The following VPS35 variants were observed in gnomAD, a reference collection of about 807,000 sequenced individuals.
The protein encoded by VPS35 is vacuolar protein sorting-associated protein 35.
In VPS35, 21 loss-of-function variants were observed where a neutral mutation model predicts 98.1. The ratio of observed to expected loss-of-function variants is 0.21; its 90% CI spans 0.15 to 0.31. VPS35 has a LOEUF of 0.31. Among genes scored for constraint, VPS35 ranks in the 10% least tolerant of loss-of-function variants. The pLI is 1.00. For synonymous variants in VPS35, 268 were observed against 318.2 expected, an observed-to-expected ratio of 0.84 and a Z score of 1.68; for missense variants, 554 against 950.8, an observed-to-expected ratio of 0.58 and a Z score of 5.49.
intron 10 of VPS35, 125 bp from the exon 11 acceptor site, chr16:46,672,597 T>C (rs1966085895): frequency 2.6e-6 from 2 of 765,176 alleles, no homozygotes; most frequent in Non-Finnish European, 4.4e-6. Context: ...AAGTGAATCA[T>C]ACCACCACAG....
rs938232930 is a variant in VPS35 at position 46,656,204 on chromosome 16, A to G, written c.*4268T>C. The G allele has an allele frequency of 2.2e-4, 34 of 152,252 alleles. No individual in the cohort carries two copies. The highest frequency in any genetic ancestry group is 7.9e-4 in the African/African-American group (33 of 41,548). 9.4% of individuals were successfully genotyped at this position (152,252 alleles called of 1,614,324 possible). On this transcript the variant is annotated 3_prime_UTR_variant, in exon 17 of 17. Coordinates refer to ENST00000299138, the MANE Select transcript of VPS35 (RefSeq NM_018206.6). The stretch of plus-strand genomic sequence containing the variant: ...GAAGATACGGCTCCTTTCCAATGCA[A>G]CGTCTCTGGGTAGGTGGAGGAATGG...
intron 4 of VPS35, among the ~76,000 whole-genome samples, chr16:46,681,075 C>T (rs1013336555): frequency 6.8e-6 from 1 of 147,422 alleles, no homozygotes; most frequent in African/African-American, 2.5e-5. Context: ...TGTATATATA[C>T]AACATAGATA....
Position 46,678,510 on chromosome 16 carries a change from T to C in VPS35, c.720+433A>G, listed in dbSNP as rs191833571. ...CCATTCCCTGTTTTATTCCCCTCCA[T>C]TGATTTGTGTGTCTATCCTTTTCAC... On this transcript the variant is annotated intron_variant, in intron 6 of 16. Coordinates refer to ENST00000299138, the MANE Select transcript of VPS35 (RefSeq NM_018206.6). Among the ~76,000 whole-genome samples the C allele has an allele frequency of 2.1e-3, 323 of 152,284 alleles. 1 individual carries two copies. The highest frequency in any genetic ancestry group is 3.6e-3 in the Non-Finnish European group (248 of 68,010).
At chr16:46,664,061 T>C (rs1965953599) in intron 13 of VPS35, among the ~76,000 whole-genome samples, 1 of 151,912 alleles carries the variant, frequency 6.6e-6, no homozygotes, top group African/African-American at 2.4e-5. Flanking sequence ...TGGAGAAAAT[T>C]AGAAAAATAC....
At chr16:46,671,587 C>T in intron 12 of VPS35, 118 bp downstream of exon 12, 1 of 1,408,414 alleles carries the variant, frequency 7.1e-7, no homozygotes, top group Non-Finnish European at 9.8e-7. Flanking sequence ...ATCTTTAATT[C>T]AGTTGCAATT....
At chr16:46,660,937 G>A (rs1965905232) in intron 16 of VPS35, 1 of 430,298 alleles carries the variant, frequency 2.3e-6, no homozygotes, top group Non-Finnish European at 4.4e-6. Flanking sequence ...CTTGAAGTCA[G>A]GAGTTTTGAG....
intron 1 of VPS35, chr16:46,688,762 C>G: frequency 8.1e-7 from 1 of 1,241,356 alleles, no homozygotes; most frequent in Non-Finnish European, 1.0e-6. Context: ...GGCCTCCACG[C>G]GCCCCGGGGG....
At chr16:46,667,059 G>T (rs1966000455) in intron 13 of VPS35, among the ~76,000 whole-genome samples, 1 of 152,126 alleles carries the variant, frequency 6.6e-6, no homozygotes, top group Admixed American at 6.6e-5. Context: ...TTTCCATAAT[G>T]GCTATACTAA....
At chr16:46,667,398 A>G (rs1966005737) in intron 13 of VPS35, among the ~76,000 whole-genome samples, 1 of 152,054 alleles carries the variant, frequency 6.6e-6, no homozygotes, top group African/African-American at 2.4e-5. Flanking sequence ...ATTCTCCCCC[A>G]TTCCATTGCC....
chr16:46,669,441 C>T (rs1465250826), intron 12 of VPS35, among the ~76,000 whole-genome samples: 1 of 152,080 alleles, frequency 6.6e-6, no homozygotes, highest in Non-Finnish European at 1.5e-5. Context: ...CGAAGGTGGA[C>T]AGATCAGTTG....
rs1596706277 is a variant in VPS35 at position 46,657,166 on chromosome 16, A to T, written c.*3306T>A. The T allele has an allele frequency of 6.6e-6, 1 of 152,364 alleles. No individual in the cohort carries two copies. The allele number at this position is 152,364 out of a possible 1,614,324, so 9.4% of individuals were successfully genotyped here. The stretch of plus-strand genomic sequence containing the variant: ...CTAAGGCAAGTCACTACTCTTGGGA[A>T]TTCAAGTGTATGGTAAATGTGTAGA... On this transcript the variant is annotated 3_prime_UTR_variant, in exon 17 of 17. Coordinates refer to ENST00000299138, the MANE Select transcript of VPS35 (RefSeq NM_018206.6).
At chr16:46,663,339 T>C (rs1965940890) in intron 13 of VPS35, among the ~76,000 whole-genome samples, 177 bp from the exon 14 acceptor site, 1 of 152,246 alleles carries the variant, frequency 6.6e-6, no homozygotes, top group African/African-American at 2.4e-5. Context: ...TCTCAAAACA[T>C]CATTTGAGGT....
At chr16:46,680,205 T>C (rs2143008629) in intron 5 of VPS35, among the ~76,000 whole-genome samples, 1 of 152,316 alleles carries the variant, frequency 6.6e-6, no homozygotes, top group South Asian at 2.1e-4. Flanking sequence ...TTATTTTTCC[T>C]TCTCTGGAGT....
At chr16:46,672,155 T>A in intron 11 of VPS35, 110 bp downstream of exon 11, 1 of 946,820 alleles carries the variant, frequency 1.1e-6, no homozygotes, top group Admixed American at 2.5e-5. Context: ...AAGTTACTTG[T>A]AAATTTTATT....
Position 46,682,140 on chromosome 16 carries a change from A to G in VPS35, c.138T>C (p.Ala46=). 6.2e-7 allele frequency: 1 copy of G among 1,613,646 alleles called. No homozygotes were observed. Among genetic ancestry groups the G allele is most frequent in the Non-Finnish European group, 8.5e-7 (1 of 1,179,678 alleles). The change falls in exon 3 of 17, where the codon GCT becomes GCC. Residue 46 remains alanine, a synonymous_variant. Coordinates refer to ENST00000299138, the MANE Select transcript of VPS35 (RefSeq NM_018206.6). The part of the protein sequence containing the change: ...KNKLMDALKH[A]SNMLGELRTS... ...TCCGGAGTTCACCAAGCATATTAGAAGCATGTTTTAGAGCATCCATAAGCT... is the reference window on the plus strand; with the variant it reads ...TCCGGAGTTCACCAAGCATATTAGAGGCATGTTTTAGAGCATCCATAAGCT...
In VPS35 at chr16:46,689,118, C is replaced by G. The variant is rs1044321832; in HGVS notation, c.3+13G>C. The G allele has an allele frequency of 6.2e-6, 10 of 1,608,724 alleles. No homozygotes were observed. The highest frequency in any genetic ancestry group is 1.6e-4 in the Middle Eastern group (1 of 6,070). Reference sequence around the variant, plus strand: ...AGGGTCGACCCAGGTGCCACTGCCCCCTCAGCACTCACCATGGCGACTCCC... The same window carrying G: ...AGGGTCGACCCAGGTGCCACTGCCCGCTCAGCACTCACCATGGCGACTCCC... On this transcript the variant is annotated intron_variant, in intron 1 of 16. Coordinates refer to ENST00000299138, the MANE Select transcript of VPS35 (RefSeq NM_018206.6).
rs1965877332 is a variant in VPS35, at chr16:46,659,667, A to C, written c.*805T>G. ...AAAGATAGTATGAAAGGGGAAAAAA[A>C]GCTCCAAAATTGTTAATAGCATCTT... On this transcript the variant is annotated 3_prime_UTR_variant, in exon 17 of 17. Transcript: ENST00000299138. 6.6e-6 allele frequency: 1 copy of C among 152,146 alleles called. No homozygotes were observed. Among genetic ancestry groups the C allele is most frequent in the Admixed American group, 6.6e-5 (1 of 15,258 alleles). The allele number at this position is 152,146 out of a possible 1,614,324, so 9.4% of individuals were successfully genotyped here. A position where few individuals can be genotyped will look rare whatever the true frequency, so the allele number is the denominator to read the frequency against.
intron 8 of VPS35, 120 bp from the exon 9 acceptor site, chr16:46,674,780 G>GT (rs767511812): frequency 1.9e-4 from 194 of 1,000,576 alleles, no homozygotes; most frequent in Non-Finnish European, 2.5e-4. Flanking sequence ...AAAGGTTTTT[G>GT]TTTTTTTTGT....
chr16:46,677,420 T>A (rs375464335), intron 6 of VPS35, 22 bp from the exon 7 acceptor site: 1 of 1,595,512 alleles, frequency 6.3e-7, no homozygotes, highest in African/African-American at 1.3e-5. Context: ...AAAACACACA[T>A]AAGGGTTAAA....
Sources: gnomAD v4.1 joint callset for allele counts (sites outside exome capture counted in the v4.1 genomes callset) on GRCh38, gnomAD v4.1.1 for gene constraint, MANE v1.5 for transcripts, NCBI Gene and HGNC (gene_info 2026-07-23, HGNC 2026-07-21) for gene names.